PTPRR: variants seen among roughly 807,000 people sequenced by gnomAD.
PTPRR encodes the protein protein tyrosine phosphatase receptor type R.
In PTPRR, 38 loss-of-function variants were observed where a neutral mutation model predicts 77.2. That is an observed-to-expected ratio of 0.49 (90% confidence interval 0.38 to 0.65). The LOEUF is 0.65. PTPRR is among the 30% of genes least tolerant of loss of function. The probability of loss-of-function intolerance (pLI) is 0.00; values close to 1 mark genes in which losing one functional copy is unlikely to be tolerated. For missense variants in PTPRR, 744 were observed against 799.2 expected (o/e 0.93, Z 0.83); for synonymous variants, 299 against 283.1 (o/e 1.06, Z -0.57).
chr12:70,919,488 C>G (rs1893820905), intron 1 of PTPRR, among the ~76,000 whole-genome samples: 1 of 152,156 alleles, frequency 6.6e-6, no homozygotes. Flanking sequence ...AAAGCAGGGA[C>G]ACCACATATA....
chr12:70,764,848 A>T, intron 2 of PTPRR, 70 bp from the exon 3 acceptor site: 5 of 1,049,768 alleles, frequency 4.8e-6, no homozygotes, highest in Non-Finnish European at 7.2e-6. Context: ...AATACATCCA[A>T]ATAAGTATTA....
intron 2 of PTPRR, among the ~76,000 whole-genome samples, chr12:70,882,752 T>C (rs183129026): frequency 6.6e-6 from 1 of 152,314 alleles, no homozygotes; most frequent in East Asian, 1.9e-4. Context: ...CAAGTGTTTG[T>C]AAGCTCCAGA....
chr12:70,745,977 G>T lies in PTPRR; in HGVS notation c.848C>A (p.Ala283Glu). The T allele has an allele frequency of 6.2e-7, 1 of 1,614,086 alleles. No individual in the cohort carries two copies. The highest frequency in any genetic ancestry group is 8.5e-7 in the Non-Finnish European group (1 of 1,180,000). ...TTGGACCATGCTGTGGACTGTCTTT[G>T]CCTCGGACAGTGCTGGCTGTAATGT... The part of the protein sequence containing the change: ...PITLQPALSE[A>E]KTVHSMVQPE... The change falls in exon 6 of 14, where the codon GCA becomes GAA. Residue 283 changes from alanine (A) to glutamate (E), a missense_variant. Ala to Glu is a moderately radical substitution (Grantham distance 107). This residue lies in a region of PTPRR where 570 missense variants were observed against 573.2 expected (regional missense o/e 0.99). Coordinates refer to ENST00000283228, the MANE Select transcript of PTPRR (RefSeq NM_002849.4).
chr12:70,670,613 C>T (rs1270017240), intron 10 of PTPRR, among the ~76,000 whole-genome samples: 1 of 152,194 alleles, frequency 6.6e-6, no homozygotes, highest in Admixed American at 6.5e-5. Context: ...TACCTACTTC[C>T]CTTCTTTTCT....
At position 70,808,650 on chromosome 12, in the gene PTPRR, A is replaced by G. The variant is rs74102006; in HGVS notation, c.358-43872T>C. Among the ~76,000 whole-genome samples the G allele has an allele frequency of 5.1e-3, 776 of 152,304 alleles. 12 individuals are homozygous for G. Among genetic ancestry groups the G allele is most frequent in the African/African-American group, 0.018 (730 of 41,556 alleles). ...GAAAGTTAGACCATTTGTCAAAGCA[A>G]TAAAGGTCCTCTATGAATGAATCTC... is the stretch of plus-strand genomic sequence containing the variant. On this transcript the variant is annotated intron_variant, in intron 2 of 13. Coordinates refer to ENST00000283228, the MANE Select transcript of PTPRR (RefSeq NM_002849.4).
intron 6 of PTPRR, among the ~76,000 whole-genome samples, chr12:70,737,942 G>T (rs546423174): frequency 6.6e-6 from 1 of 152,314 alleles, no homozygotes; most frequent in East Asian, 1.9e-4. Flanking sequence ...GTGGAGGAAT[G>T]ATTAAAGATT....
At chr12:70,833,332 A>G (rs2203232) in intron 2 of PTPRR, among the ~76,000 whole-genome samples, 41,316 of 152,018 alleles carry the variant, frequency 0.27, 6,113 homozygotes, top group South Asian at 0.43. Flanking sequence ...TGTTGAGACT[A>G]TAACAAGAGG....
At chr12:70,775,556 G>A (rs1027550158) in intron 2 of PTPRR, among the ~76,000 whole-genome samples, 2 of 152,162 alleles carry the variant, frequency 1.3e-5, no homozygotes, top group Admixed American at 6.5e-5. Flanking sequence ...AAGTTATTAG[G>A]CAGCCTGGAC....
intron 6 of PTPRR, among the ~76,000 whole-genome samples, chr12:70,735,224 GTTAGAAGGTGA>G (rs1205906918): frequency 1.3e-5 from 2 of 152,146 alleles, no homozygotes; most frequent in African/African-American, 4.8e-5. Flanking sequence ...TTATAAAAAT[GTTAGAAGGTGA>G]TTAGTCCGTT....
In PTPRR at chr12:70,764,772, G is replaced by T. The variant is rs965630984; in HGVS notation, c.364C>A (p.Gln122Lys). The T allele has an allele frequency of 6.2e-7, 1 of 1,611,106 alleles. No homozygotes were observed. The highest frequency in any genetic ancestry group is 8.5e-7 in the Non-Finnish European group (1 of 1,177,258). The change falls in exon 3 of 14, where the codon CAA (glutamine) becomes AAA (lysine). Residue 122 changes from glutamine (Q) to lysine (K), a missense_variant. Transcript: ENST00000283228. ...ATGTTCAGCTTGTTTACATCCATTT[G>T]CAGTGTCTAGAAAATAAGGACAAAA... Reference protein sequence around the residue: ...PAANVIVVTLQMDVNKLNITL... With the variant: ...PAANVIVVTLKMDVNKLNITL...
intron 2 of PTPRR, among the ~76,000 whole-genome samples, chr12:70,851,236 A>G (rs1380455291): frequency 1.3e-5 from 2 of 152,166 alleles, no homozygotes; most frequent in Non-Finnish European, 2.9e-5. Context: ...TAAATATTGC[A>G]TTTATCCTGA....
At chr12:70,835,598 G>C (rs766171602) in intron 2 of PTPRR, among the ~76,000 whole-genome samples, 1 of 152,018 alleles carries the variant, frequency 6.6e-6, no homozygotes, top group Non-Finnish European at 1.5e-5. Context: ...TGACTCTAAA[G>C]TATTGAGCAC....
chr12:70,873,114 T>G (rs1001403022), intron 2 of PTPRR, among the ~76,000 whole-genome samples: 2 of 152,292 alleles, frequency 1.3e-5, no homozygotes, highest in African/African-American at 4.8e-5. Flanking sequence ...CATCTCATAT[T>G]TCTTGGGGCT....
Position 70,756,915 on chromosome 12 carries a change from G to A in PTPRR, c.628-2614C>T, listed in dbSNP as rs531568424. Among the ~76,000 whole-genome samples, 238 of 152,296 alleles carry A rather than the reference G, an allele frequency of 1.6e-3. 4 individuals carry two copies. The highest frequency in any genetic ancestry group is 5.1e-3 in the African/African-American group (213 of 41,576). The stretch of plus-strand genomic sequence containing the variant: ...AGGAAGTACACAGAATAAGAATGAA[G>A]TGCAAATGTTACAAAGTATCTGGTT... On this transcript the variant is annotated intron_variant, in intron 4 of 13. Coordinates refer to ENST00000283228, the MANE Select transcript of PTPRR (RefSeq NM_002849.4).
chr12:70,641,325 C>T lies in PTPRR; in HGVS notation c.1881-2048G>A, dbSNP rs144380610. On this transcript the variant is annotated intron_variant, in intron 13 of 13. Coordinates refer to ENST00000283228, the MANE Select transcript of PTPRR (RefSeq NM_002849.4). The stretch of plus-strand genomic sequence containing the variant: ...GCTCTGGTCTGTCAGCTTCCTCTCA[C>T]CATTTACCTCACTTTGAGGCAAGAT... 9.8e-5 allele frequency among the ~76,000 whole-genome samples: 15 copies of T among 152,300 alleles called. No homozygotes were observed. The East Asian group carries it at 2.9e-3, about 29-fold the overall frequency.
intron 2 of PTPRR, among the ~76,000 whole-genome samples, chr12:70,829,508 T>C (rs577814888): frequency 6.6e-6 from 1 of 152,344 alleles, no homozygotes; most frequent in South Asian, 2.1e-4. Flanking sequence ...ATCAGAATTC[T>C]GTGTTCATTG....
intron 2 of PTPRR, among the ~76,000 whole-genome samples, chr12:70,837,140 G>C (rs1464584831): frequency 1.3e-5 from 2 of 151,856 alleles, no homozygotes; most frequent in Admixed American, 1.3e-4. Context: ...AGAAATTGTG[G>C]GTATAAATGT....
chr12:70,918,585 G>A (rs559266330), intron 1 of PTPRR, among the ~76,000 whole-genome samples: 4 of 152,178 alleles, frequency 2.6e-5, no homozygotes, highest in South Asian at 2.1e-4. Context: ...TTCTCATCCC[G>A]AATATTCATC....
chr12:70,799,945 G>A (rs1891584041), intron 2 of PTPRR, among the ~76,000 whole-genome samples: 1 of 152,106 alleles, frequency 6.6e-6, no homozygotes, highest in African/African-American at 2.4e-5. Context: ...CGGTGATTCA[G>A]AAGCCAATAG....
Sources: gnomAD v4.1 joint callset for allele counts (sites outside exome capture counted in the v4.1 genomes callset) on GRCh38, gnomAD v4.1.1 for gene constraint, gnomAD v4.1.1 regional missense constraint, MANE v1.5 for transcripts, NCBI Gene and HGNC (gene_info 2026-07-23, HGNC 2026-07-21) for gene names.